The following ENAH variants were observed in gnomAD, a reference collection of about 807,000 sequenced individuals.
ENAH encodes protein enabled homolog.
Under a neutral mutation model 78.7 loss-of-function variants are expected in ENAH, and 23 were observed. The observed-to-expected ratio is 0.29, with a 90% CI of 0.21 to 0.41. The LOEUF is 0.41. ENAH is among the 10% of genes least tolerant of loss of function. ENAH has a pLI of 1.00. For synonymous variants in ENAH, 226 were observed against 241.0 expected (o/e 0.94, Z 0.58); for missense variants, 544 against 691.0 (o/e 0.79, Z 2.39).
At chr1:225,545,454 T>C (rs2151359256) in intron 3 of ENAH, among the ~76,000 whole-genome samples, 1 of 152,324 alleles carries the variant, frequency 6.6e-6, no homozygotes, top group Non-Finnish European at 1.5e-5. Flanking sequence ...CTGTACTAAA[T>C]AACTAAATTA....
intron 1 of ENAH, among the ~76,000 whole-genome samples, chr1:225,635,207 T>C (rs1659845650): frequency 1.3e-5 from 2 of 152,292 alleles, no homozygotes; most frequent in South Asian, 4.1e-4. Flanking sequence ...GTAAGTGAAA[T>C]TGTTTTTATA....
At chr1:225,599,539 C>T (rs1337163801) in intron 1 of ENAH, among the ~76,000 whole-genome samples, 1 of 152,056 alleles carries the variant, frequency 6.6e-6, no homozygotes, top group Non-Finnish European at 1.5e-5. Flanking sequence ...GGTGCGGTGG[C>T]TCACACCTGT....
intron 1 of ENAH, among the ~76,000 whole-genome samples, chr1:225,648,017 G>A (rs1280758159): frequency 6.6e-6 from 1 of 152,132 alleles, no homozygotes; most frequent in East Asian, 1.9e-4. Flanking sequence ...CAAGGGGGTT[G>A]GGGGAGCATG....
chr1:225,618,475 G>A (rs1656214715), intron 1 of ENAH, among the ~76,000 whole-genome samples: 3 of 152,004 alleles, frequency 2.0e-5, no homozygotes, highest in Admixed American at 2.0e-4. Context: ...CTCCAAGATA[G>A]TACAGCACAG....
At chr1:225,629,564 G>T (rs1223470528) in intron 1 of ENAH, among the ~76,000 whole-genome samples, 2 of 151,262 alleles carry the variant, frequency 1.3e-5, no homozygotes, top group African/African-American at 4.9e-5. Flanking sequence ...TCCAGCCTGG[G>T]CAACAGAGTG....
chr1:225,602,502 C>T (rs909609790), intron 1 of ENAH, among the ~76,000 whole-genome samples: 2 of 152,018 alleles, frequency 1.3e-5, no homozygotes, highest in Non-Finnish European at 2.9e-5. Flanking sequence ...AAAGAAAAAA[C>T]TCAGGTGGTT....
In ENAH at chr1:225,532,272, A is replaced by T. The variant is rs1010840569; in HGVS notation, c.350-1634T>A. 2.6e-5 allele frequency among the ~76,000 whole-genome samples: 4 copies of T among 152,214 alleles called. No homozygotes were observed. The East Asian group carries it at 7.7e-4, about 29-fold the overall frequency. On this transcript the variant is annotated intron_variant, in intron 3 of 13. Transcript: ENST00000366843. ...GGCGGGTAAATCTGAGGTAGCATGA[A>T]ATTATTTAGGGAATGTACTTTATAT... is the stretch of plus-strand genomic sequence containing the variant.
chr1:225,536,845 A>G (rs1210857553), intron 3 of ENAH, among the ~76,000 whole-genome samples: 2 of 152,022 alleles, frequency 1.3e-5, no homozygotes, highest in African/African-American at 4.8e-5. Flanking sequence ...AAGTACTTCC[A>G]ACCACCCAAT....
chr1:225,514,787 G>A lies in ENAH; in HGVS notation c.1027C>T (p.Pro343Ser). 6.6e-7 allele frequency: 1 copy of A among 1,513,236 alleles called. No homozygotes were observed. 93.7% of individuals were successfully genotyped at this position (1,513,236 alleles called of 1,614,324 possible). ...GGGGGCGGTGGAGGCCCGGTGGATG[G>A]GAGTGGAGGAGGTGGAGGGGGCCCT... ...PPGPPPPPPL[P>S]STGPPPPPPP... is the part of the protein sequence containing the mutation. The change falls in exon 7 of 14, where the codon CCA becomes TCA. Residue 343 changes from proline to serine, a missense_variant. Physicochemically the swap from Pro to Ser is moderately conservative, Grantham distance 74. Coordinates refer to ENST00000366843, the MANE Select transcript of ENAH (RefSeq NM_018212.6).
At chr1:225,625,774 C>T (rs182360515) in intron 1 of ENAH, among the ~76,000 whole-genome samples, 4 of 152,290 alleles carry the variant, frequency 2.6e-5, no homozygotes, top group Admixed American at 1.3e-4. Flanking sequence ...CCTCGGCCTC[C>T]CAAAGTGCTG....
intron 3 of ENAH, among the ~76,000 whole-genome samples, chr1:225,540,997 C>A (rs951082768): frequency 6.6e-6 from 1 of 152,132 alleles, no homozygotes; most frequent in Non-Finnish European, 1.5e-5. Context: ...TTTATGATTC[C>A]ATTTATATAA....
intron 1 of ENAH, among the ~76,000 whole-genome samples, chr1:225,599,832 T>C (rs2096921668): frequency 6.7e-6 from 1 of 148,532 alleles, no homozygotes; most frequent in Non-Finnish European, 1.5e-5. Context: ...GTGACCCCCT[T>C]TATTGGAGGT....
chr1:225,495,872 TCA>T lies in ENAH; in HGVS notation c.*1901_*1902del, dbSNP rs1303756307. On this transcript the variant is annotated 3_prime_UTR_variant, in exon 14 of 14. Transcript: ENST00000366843. ...TACTTGAATTATGATAGCTCATCCA[TCA>T]CAGTTTAATCTAAAAATGAAATTTC... is the stretch of plus-strand genomic sequence containing the variant. 1 of 152,550 alleles carries T rather than the reference TCA, an allele frequency of 6.6e-6. No individual in the cohort carries two copies. 9.4% of individuals were successfully genotyped at this position (152,550 alleles called of 1,614,324 possible). A position where few individuals can be genotyped will look rare whatever the true frequency, so the allele number is the denominator to read the frequency against.
chr1:225,519,873 A>G (rs891510817), intron 4 of ENAH, among the ~76,000 whole-genome samples: 2 of 152,248 alleles, frequency 1.3e-5, no homozygotes, highest in African/African-American at 4.8e-5. Flanking sequence ...CCACTTTAAT[A>G]ACCAAGTCAT....
At chr1:225,586,663 G>A (rs900123085) in intron 1 of ENAH, among the ~76,000 whole-genome samples, 5 of 152,094 alleles carry the variant, frequency 3.3e-5, no homozygotes, top group African/African-American at 7.2e-5. Flanking sequence ...ATGCAAGATT[G>A]GTTTAACATC....
intron 5 of ENAH, chr1:225,518,064 A>T: frequency 1.5e-6 from 2 of 1,307,290 alleles, no homozygotes; most frequent in South Asian, 3.0e-5. Context: ...TAGTGAAGCC[A>T]CAAAACCAGC....
At chr1:225,534,932 G>A (rs1162305532) in intron 3 of ENAH, among the ~76,000 whole-genome samples, 1 of 152,098 alleles carries the variant, frequency 6.6e-6, no homozygotes, top group Admixed American at 6.6e-5. Context: ...ATGTGTATAT[G>A]AGAGTGAGAG....
rs191278882 is a variant in ENAH at position 225,646,082 on chromosome 1, A to G, written c.5+6604T>C. ...CCCTAATTTATCTTCTTTAGTAAACAACTTCTGGTTACTTAAAACAAAACT... is the reference window on the plus strand; with the variant it reads ...CCCTAATTTATCTTCTTTAGTAAACGACTTCTGGTTACTTAAAACAAAACT... On this transcript the variant is annotated intron_variant, in intron 1 of 13. Coordinates refer to ENST00000366843, the MANE Select transcript of ENAH (RefSeq NM_018212.6). 6.6e-5 allele frequency among the ~76,000 whole-genome samples: 10 copies of G among 152,302 alleles called. 1 individual carries two copies. The highest frequency in any genetic ancestry group is 6.8e-3 in the Middle Eastern group (2 of 294).
intron 1 of ENAH, among the ~76,000 whole-genome samples, chr1:225,591,764 CAAAAAAAAAAAAAA>C (rs55680042): frequency 2.5e-5 from 1 of 39,514 alleles, no homozygotes; most frequent in Non-Finnish European, 5.9e-5. Flanking sequence ...GACTCCGTCT[CAAAAAAAAAAAAAA>C]AAAAAAAAAA....
Sources: gnomAD v4.1 joint callset for allele counts (sites outside exome capture counted in the v4.1 genomes callset) on GRCh38, gnomAD v4.1.1 for gene constraint, MANE v1.5 for transcripts, NCBI Gene and HGNC (gene_info 2026-07-23, HGNC 2026-07-21) for gene names.